The following VPS13B variants were observed in gnomAD, a reference collection of about 807,000 sequenced individuals.
The protein encoded by VPS13B is intermembrane lipid transfer protein VPS13B.
Under a neutral mutation model 426.4 loss-of-function variants are expected in VPS13B, and 285 were observed. The observed-to-expected ratio is 0.67, with a 90% CI of 0.61 to 0.74. VPS13B has a LOEUF of 0.74. VPS13B is among the 30% of genes least tolerant of loss of function. The pLI is 0.00. For synonymous variants in VPS13B, 1,676 were observed against 1,676.4 expected (o/e 1.00, Z 0.01); for missense variants, 4,537 against 4,782.6 (o/e 0.95, Z 1.51).
Position 99,720,877 on chromosome 8 carries a change from C to T in VPS13B, c.6880C>T (p.Pro2294Ser). 6.2e-7 allele frequency: 1 copy of T among 1,613,390 alleles called. No individual in the cohort carries two copies. Among genetic ancestry groups the T allele is most frequent in the Non-Finnish European group, 8.5e-7 (1 of 1,179,670 alleles). The change falls in exon 39 of 62, where the codon CCT (proline) becomes TCT (serine). Residue 2294 changes from proline (P) to serine (S), a missense_variant. Pro to Ser is a moderately conservative substitution (Grantham distance 74). This residue lies in a region of VPS13B where 4,311 missense variants were observed against 4,474.3 expected (regional missense o/e 0.96). Coordinates refer to ENST00000357162, the MANE Select transcript of VPS13B (RefSeq NM_152564.5). ...TTATTTGACAGAATCTTTGAAATTG[C>T]CTGGGGTCTATGAAGTCTTATTTTA... ...YVQDAESLKL[P>S]GVYEVLFYNE...
intron 5 of VPS13B, 40 bp from the exon 6 acceptor site, chr8:99,111,058 A>G: frequency 2.6e-6 from 4 of 1,548,224 alleles, no homozygotes; most frequent in South Asian, 1.2e-5. Context: ...TTCCCCTGCT[A>G]ATTTTCCTTT....
intron 39 of VPS13B, among the ~76,000 whole-genome samples, chr8:99,726,304 CATCTGTTAGATAAAGTA>C (rs1236051032): frequency 6.6e-6 from 1 of 152,164 alleles, no homozygotes; most frequent in Non-Finnish European, 1.5e-5. Context: ...ATAAAATTAG[CATCTGTTAGATAAAGTA>C]ATGCCACCAA....
At chr8:99,020,187 T>C (rs761937461) in intron 2 of VPS13B, among the ~76,000 whole-genome samples, 3 of 152,130 alleles carry the variant, frequency 2.0e-5, no homozygotes, top group Non-Finnish European at 2.9e-5. Flanking sequence ...CTAATGGGTA[T>C]GAAATGATAT....
intron 19 of VPS13B, among the ~76,000 whole-genome samples, chr8:99,282,096 G>A (rs1390853707): frequency 6.6e-6 from 1 of 151,884 alleles, no homozygotes; most frequent in Non-Finnish European, 1.5e-5. Flanking sequence ...GTTAATAATG[G>A]CACTATTTCC....
intron 19 of VPS13B, among the ~76,000 whole-genome samples, chr8:99,318,288 A>T (rs1809781507): frequency 6.6e-6 from 1 of 152,198 alleles, no homozygotes. Flanking sequence ...TCTATAAACA[A>T]ATATTCATTG....
intron 2 of VPS13B, among the ~76,000 whole-genome samples, chr8:99,028,706 G>C (rs1348356386): frequency 7.2e-6 from 1 of 139,078 alleles, no homozygotes; most frequent in Non-Finnish European, 1.6e-5. Context: ...GGGGCGGCTG[G>C]CCGGGTGGGG....
At chr8:99,450,349 A>G (rs2133458940) in intron 23 of VPS13B, among the ~76,000 whole-genome samples, 1 of 152,230 alleles carries the variant, frequency 6.6e-6, no homozygotes, top group African/African-American at 2.4e-5. Flanking sequence ...AACAACTTTG[A>G]CTTTTAGTTA....
intron 19 of VPS13B, among the ~76,000 whole-genome samples, chr8:99,311,873 G>C (rs556850645): frequency 6.6e-6 from 1 of 152,114 alleles, no homozygotes; most frequent in Non-Finnish European, 1.5e-5. Context: ...GTGCATATAT[G>C]ATTAGGGTAG....
At position 99,250,664 on chromosome 8, in the gene VPS13B, C is replaced by CTTTTTTTTTTTTTTTT. The variant is rs60698750; in HGVS notation, c.2516-23511_2516-23496dup. Among the ~76,000 whole-genome samples, 2 of 35,770 alleles carry CTTTTTTTTTTTTTTTT rather than the reference C, an allele frequency of 5.6e-5. 1 individual carries two copies. Among genetic ancestry groups the CTTTTTTTTTTTTTTTT allele is most frequent in the Admixed American group, 9.6e-4 (2 of 2,088 alleles). The allele number at this position is 35,770 out of a possible 152,430, so 23.5% of individuals were successfully genotyped here. A position where few individuals can be genotyped will look rare whatever the true frequency, so the allele number is the denominator to read the frequency against. ...CTGTCCACTAATCCGTGTGTTTATT[C>CTTTTTTTTTTTTTTTT]TTTTTTTTTTTTTTTTTTTTTTTTT... On this transcript the variant is annotated intron_variant, in intron 17 of 61. Transcript: ENST00000357162.
intron 17 of VPS13B, among the ~76,000 whole-genome samples, chr8:99,263,686 A>G (rs1246644882): frequency 6.6e-6 from 1 of 152,086 alleles, no homozygotes; most frequent in Non-Finnish European, 1.5e-5. Flanking sequence ...ACTTTTAAGG[A>G]TTCTTCTGAT....
At chr8:99,195,875 G>T (rs1484189724) in intron 17 of VPS13B, among the ~76,000 whole-genome samples, 1 of 152,168 alleles carries the variant, frequency 6.6e-6, no homozygotes, top group Non-Finnish European at 1.5e-5. Context: ...GTCCATAAAT[G>T]TGTGGGTTTA....
At chr8:99,826,546 T>C (rs1298742749) in intron 51 of VPS13B, among the ~76,000 whole-genome samples, 2 of 152,202 alleles carry the variant, frequency 1.3e-5, no homozygotes, top group Admixed American at 6.5e-5. Context: ...CCCTTCCTAT[T>C]TGAATACCCT....
intron 19 of VPS13B, among the ~76,000 whole-genome samples, chr8:99,290,883 G>A (rs1331405079): frequency 6.6e-6 from 1 of 152,016 alleles, no homozygotes; most frequent in Non-Finnish European, 1.5e-5. Context: ...TGAATGGGAT[G>A]GGATCAATGG....
intron 23 of VPS13B, among the ~76,000 whole-genome samples, chr8:99,450,355 A>C (rs1818125963): frequency 6.6e-6 from 1 of 152,192 alleles, no homozygotes; most frequent in Non-Finnish European, 1.5e-5. Flanking sequence ...TTTGACTTTT[A>C]GTTAAAATTT....
intron 3 of VPS13B, among the ~76,000 whole-genome samples, chr8:99,047,663 G>C (rs570943685): frequency 1.3e-5 from 2 of 151,836 alleles, no homozygotes; most frequent in Admixed American, 6.6e-5. Context: ...TAGGCATTTA[G>C]GGCTATGAAC....
chr8:99,188,409 G>A (rs886336203), intron 16 of VPS13B, among the ~76,000 whole-genome samples: 1 of 152,118 alleles, frequency 6.6e-6, no homozygotes, highest in Admixed American at 6.5e-5. Context: ...GCATGTATCA[G>A]TATTTAATTT....
At chr8:99,523,245 G>A (rs1410355478) in intron 30 of VPS13B, among the ~76,000 whole-genome samples, 2 of 152,174 alleles carry the variant, frequency 1.3e-5, no homozygotes, top group African/African-American at 4.8e-5. Flanking sequence ...TCCAGGCCCT[G>A]GCTCCTGGAC....
chr8:99,198,922 A>G (rs985414291), intron 17 of VPS13B, among the ~76,000 whole-genome samples: 2 of 151,664 alleles, frequency 1.3e-5, no homozygotes, highest in South Asian at 2.1e-4. Flanking sequence ...AAATAGTTCT[A>G]TCTAAAGATC....
chr8:99,138,821 T>C (rs1204273281), intron 12 of VPS13B, among the ~76,000 whole-genome samples: 2 of 152,232 alleles, frequency 1.3e-5, no homozygotes. Flanking sequence ...TAATGTCTTA[T>C]GCATGTGCTG....
Sources: gnomAD v4.1 joint callset for allele counts (sites outside exome capture counted in the v4.1 genomes callset) on GRCh38, gnomAD v4.1.1 for gene constraint, gnomAD v4.1.1 regional missense constraint, MANE v1.5 for transcripts, NCBI Gene and HGNC (gene_info 2026-07-23, HGNC 2026-07-21) for gene names.